LONRF1: variants seen among roughly 807,000 people sequenced by gnomAD.
LONRF1 encodes the protein LON peptidase N-terminal domain and RING finger protein 1.
In LONRF1, 37 loss-of-function variants were observed where a neutral mutation model predicts 85.8. The ratio of observed to expected loss-of-function variants is 0.43; its 90% CI spans 0.33 to 0.57. The LOEUF is 0.57. LONRF1 is among the 20% of genes least tolerant of loss of function. LONRF1 has a pLI of 0.04. For missense variants in LONRF1, 1,036 were observed against 978.0 expected (o/e 1.06, Z -0.79); for synonymous variants, 517 against 390.1 (o/e 1.33, Z -3.83).
intron 1 of LONRF1, among the ~76,000 whole-genome samples, chr8:12,747,911 C>T (rs905807166): frequency 1.3e-5 from 2 of 152,136 alleles, no homozygotes; most frequent in African/African-American, 2.4e-5. Flanking sequence ...GCCTCCCATA[C>T]ATTTTTGTTC....
chr8:12,733,592 A>AT (rs1234610895), intron 7 of LONRF1, among the ~76,000 whole-genome samples: 2 of 151,438 alleles, frequency 1.3e-5, no homozygotes, highest in African/African-American at 2.5e-5. Context: ...ACAGATATAT[A>AT]ATATCTGTCA....
intron 6 of LONRF1, 74 bp downstream of exon 6, chr8:12,736,627 T>G (rs1231465757): frequency 1.0e-6 from 1 of 999,084 alleles, no homozygotes; most frequent in African/African-American, 1.7e-5. Context: ...TTGTCTATTA[T>G]TACCTTTATC....
intron 11 of LONRF1, among the ~76,000 whole-genome samples, chr8:12,724,574 C>T (rs1427189835): frequency 1.3e-5 from 2 of 152,286 alleles, no homozygotes; most frequent in South Asian, 4.1e-4. Context: ...GTTGCTTTTG[C>T]TTTCCTGCCC....
intron 1 of LONRF1, among the ~76,000 whole-genome samples, chr8:12,751,996 A>T (rs1337281115): frequency 6.6e-6 from 1 of 152,240 alleles, no homozygotes; most frequent in African/African-American, 2.4e-5. Flanking sequence ...AAACTTATGT[A>T]ATCTAAATGG....
intron 7 of LONRF1, among the ~76,000 whole-genome samples, chr8:12,734,071 C>G (rs1050953166): frequency 6.6e-6 from 1 of 152,098 alleles, no homozygotes; most frequent in African/African-American, 2.4e-5. Flanking sequence ...AACAGTTAAT[C>G]TGGAAAAACA....
rs75615224 is a variant in LONRF1, at chr8:12,751,128, G to A, written c.721+3572C>T. ...CCCAGGTGTCAGCTTCCAGCATGCA[G>A]AGCTTTAATCACTAAGCCACACTGC... is the stretch of plus-strand genomic sequence containing the variant. On this transcript the variant is annotated intron_variant, in intron 1 of 11. Transcript: ENST00000398246. Among the ~76,000 whole-genome samples the A allele has an allele frequency of 1.0e-3, 159 of 152,216 alleles. 6 individuals carry two copies. The East Asian group carries it at 0.029, about 28-fold the overall frequency.
chr8:12,750,927 T>G (rs1165396404), intron 1 of LONRF1, among the ~76,000 whole-genome samples: 2 of 152,232 alleles, frequency 1.3e-5, no homozygotes, highest in Non-Finnish European at 2.9e-5. Context: ...TTACTGGGCA[T>G]TTACTCTGTG....
intron 10 of LONRF1, among the ~76,000 whole-genome samples, chr8:12,728,105 A>G (rs1385824948): frequency 6.6e-6 from 1 of 152,218 alleles, no homozygotes; most frequent in Admixed American, 6.5e-5. Context: ...TGAAGGGCCT[A>G]AACAGATCAA....
intron 1 of LONRF1, among the ~76,000 whole-genome samples, chr8:12,750,143 C>A (rs1162885608): frequency 6.6e-6 from 1 of 152,192 alleles, no homozygotes; most frequent in Non-Finnish European, 1.5e-5. Context: ...ACTTTTCTTA[C>A]ATCTGTGAAT....
In LONRF1 at chr8:12,737,924, G is replaced by C. The variant is rs1798783792; in HGVS notation, c.1113+71C>G. 2.7e-6 allele frequency: 4 copies of C among 1,484,452 alleles called. No homozygotes were observed. The East Asian group carries it at 9.9e-5, about 37-fold the overall frequency. 92.0% of individuals were successfully genotyped at this position (1,484,452 alleles called of 1,614,324 possible). On this transcript the variant is annotated intron_variant, in intron 4 of 11. Transcript: ENST00000398246. ...AAGTAGGTGCTAGTACTTGAAACTAGGAAAGTGAAGCTCTTAACTCGTAAA... is the reference window on the plus strand; with the variant it reads ...AAGTAGGTGCTAGTACTTGAAACTACGAAAGTGAAGCTCTTAACTCGTAAA...
chr8:12,723,327 A>T (rs1021593373), intron 11 of LONRF1, 73 bp from the exon 12 acceptor site: 1 of 1,415,176 alleles, frequency 7.1e-7, no homozygotes, highest in Admixed American at 2.2e-5. Flanking sequence ...ACCACCAAAA[A>T]ATTACTATTT....
intron 10 of LONRF1, 104 bp downstream of exon 10, chr8:12,728,797 C>G (rs1180123077): frequency 1.6e-6 from 2 of 1,267,178 alleles, no homozygotes; most frequent in Non-Finnish European, 2.2e-6. Flanking sequence ...GTAAGGCTGT[C>G]TGATAAGAAC....
At chr8:12,741,095 G>C (rs138132719) in intron 2 of LONRF1, 99 bp from the exon 3 acceptor site, 15 of 1,408,660 alleles carry the variant, frequency 1.1e-5, no homozygotes, top group Admixed American at 5.7e-5. Context: ...CAGCAGTGCC[G>C]ATTCTGGGCC....
At chr8:12,733,072 G>A (rs1215501958) in intron 7 of LONRF1, among the ~76,000 whole-genome samples, 9 of 152,136 alleles carry the variant, frequency 5.9e-5, no homozygotes, top group Non-Finnish European at 1.3e-4. Context: ...CAGAGTCTCT[G>A]AGCATCTGGG....
At chr8:12,734,839 T>C (rs919779826) in intron 7 of LONRF1, among the ~76,000 whole-genome samples, 22 of 152,242 alleles carry the variant, frequency 1.4e-4, no homozygotes, top group African/African-American at 5.3e-4. Flanking sequence ...GGCTAATATA[T>C]CTGACAGCAA....
At chr8:12,750,673 T>C (rs1799344872) in intron 1 of LONRF1, among the ~76,000 whole-genome samples, 1 of 152,244 alleles carries the variant, frequency 6.6e-6, no homozygotes, top group Non-Finnish European at 1.5e-5. Context: ...TTTAAATGTA[T>C]TCAGTATTTA....
chr8:12,739,875 G>C (rs892780749), intron 3 of LONRF1, among the ~76,000 whole-genome samples: 1 of 152,130 alleles, frequency 6.6e-6, no homozygotes, highest in Non-Finnish European at 1.5e-5. Context: ...TTAAATCAGT[G>C]GGCTAGAATG....
At chr8:12,746,722 T>C (rs182733620) in intron 1 of LONRF1, among the ~76,000 whole-genome samples, 35 of 152,326 alleles carry the variant, frequency 2.3e-4, no homozygotes, top group African/African-American at 7.7e-4. Flanking sequence ...TTGTCCACAT[T>C]TTTATAGAAA....
At chr8:12,726,314 A>C (rs1246920438) in intron 10 of LONRF1, among the ~76,000 whole-genome samples, 1 of 152,084 alleles carries the variant, frequency 6.6e-6, no homozygotes, top group African/African-American at 2.4e-5. Flanking sequence ...GACATGACAG[A>C]AAGTAGTAAC....
Sources: allele counts gnomAD v4.1 joint callset (sites outside exome capture counted in the v4.1 genomes callset), GRCh38; gene constraint gnomAD v4.1.1; transcripts MANE v1.5; gene names NCBI Gene and HGNC (gene_info 2026-07-23, HGNC 2026-07-21).